Variants in ATG2B observed in about 807,000 individuals in gnomAD.
The protein encoded by ATG2B is autophagy related 2B.
ATG2B carries 121 observed loss-of-function variants against 241.3 expected under a neutral mutation model. The ratio of observed to expected loss-of-function variants is 0.50; its 90% CI spans 0.43 to 0.58. ATG2B has a LOEUF of 0.58. ATG2B is among the 20% of genes least tolerant of loss of function. ATG2B has a pLI of 0.00. For synonymous variants in ATG2B, 858 were observed against 876.6 expected, an observed-to-expected ratio of 0.98 and a Z score of 0.37; for missense variants, 2,306 against 2,491.6, an observed-to-expected ratio of 0.93 and a Z score of 1.59.
chr14:96,329,692 C>T (rs1887681861), intron 11 of ATG2B, 58 bp from the exon 12 acceptor site: 2 of 1,169,852 alleles, frequency 1.7e-6, no homozygotes, highest in Non-Finnish European at 2.5e-6. Flanking sequence ...CAATTATCCA[C>T]CTAGTCTGAC....
chr14:96,305,566 A>G (rs758438856), intron 31 of ATG2B, 23 bp downstream of exon 31: 2 of 1,516,112 alleles, frequency 1.3e-6, no homozygotes, highest in Non-Finnish European at 9.0e-7. Flanking sequence ...CTCCCAAATA[A>G]ACTTATATAG....
intron 11 of ATG2B, among the ~76,000 whole-genome samples, chr14:96,330,966 T>C (rs1015416110): frequency 9.9e-5 from 15 of 152,238 alleles, no homozygotes; most frequent in African/African-American, 3.4e-4. Flanking sequence ...CAGTGGCATA[T>C]GGATCAGTTC....
intron 1 of ATG2B, among the ~76,000 whole-genome samples, chr14:96,351,555 G>C (rs966963296): frequency 3.9e-5 from 6 of 152,070 alleles, no homozygotes; most frequent in Admixed American, 1.3e-4. Context: ...GGCCAACATG[G>C]TGAAACCCTG....
At chr14:96,299,145 A>G (rs1886723625) in intron 34 of ATG2B, among the ~76,000 whole-genome samples, 2 of 152,128 alleles carry the variant, frequency 1.3e-5, no homozygotes, top group South Asian at 4.1e-4. Context: ...GCACTTACTT[A>G]TCTTCCTTAG....
chr14:96,311,248 C>G lies in ATG2B; in HGVS notation c.4030G>C (p.Val1344Leu). 1 of 1,613,934 alleles carries G rather than the reference C, an allele frequency of 6.2e-7. No homozygotes were observed. The highest frequency in any genetic ancestry group is 8.5e-7 in the Non-Finnish European group (1 of 1,179,918). The stretch of plus-strand genomic sequence containing the variant: ...GAGTCTGAGCACGTTCTGATATGGA[C>G]AACATCGCTGGAACAGTGTAACTCA... ...RFELHCSSDV[V>L]HIRTCSDSCA... is the part of the protein sequence containing the mutation. Residue 1344 changes from valine to leucine, a missense_variant, in exon 28 of 42, where the codon GTC becomes CTC. Physicochemically the swap from Val to Leu is conservative, Grantham distance 32. Transcript: ENST00000359933.
At position 96,312,115 on chromosome 14, in the gene ATG2B, T is replaced by C; in HGVS notation, c.3887A>G (p.Asn1296Ser). The change falls in exon 26 of 42, where the codon AAT (asparagine) becomes AGT (serine). Residue 1296 changes from asparagine to serine, a missense_variant. Physicochemically the swap from Asn to Ser is conservative, Grantham distance 46 (BLOSUM62 1). Around this residue, in one of 2 missense-constraint regions of ATG2B, gnomAD observed 1,927 missense variants for 2,011.2 expected, o/e 0.96. Coordinates refer to ENST00000359933, the MANE Select transcript of ATG2B (RefSeq NM_018036.7). The stretch of plus-strand genomic sequence containing the variant: ...TCTACTCAGATTTATAGTGACAGTA[T>C]TGCATTTGTCAGATAGATGTAAAGC... ...EAALHLSDKC[N>S]TVTINLSRDY... The C allele has an allele frequency of 1.2e-6, 2 of 1,604,300 alleles. No individual in the cohort carries two copies. Among genetic ancestry groups the C allele is most frequent in the Non-Finnish European group, 1.7e-6 (2 of 1,177,176 alleles).
In ATG2B at chr14:96,289,545, C is replaced by G. The variant is rs1595290447; in HGVS notation, c.6006+111G>C. ...CATGTTATTAGTGGCAGTTGCCATTCTGCTCCCAGGGATTTCTACAGAATA... is the reference window on the plus strand; with the variant it reads ...CATGTTATTAGTGGCAGTTGCCATTGTGCTCCCAGGGATTTCTACAGAATA... On this transcript the variant is annotated intron_variant, in intron 41 of 41. Transcript: ENST00000359933. The surrounding 1 kb of genome is among the most constrained non-coding windows in gnomAD (Gnocchi z 4.3). 1.5e-6 allele frequency: 2 copies of G among 1,358,722 alleles called. No individual in the cohort carries two copies. The highest frequency in any genetic ancestry group is 2.0e-6 in the Non-Finnish European group (2 of 989,738). The allele number at this position is 1,358,722 out of a possible 1,614,324, so 84.2% of individuals were successfully genotyped here.
chr14:96,294,526 A>G (rs1396156170), intron 36 of ATG2B, among the ~76,000 whole-genome samples: 1 of 152,240 alleles, frequency 6.6e-6, no homozygotes, highest in Non-Finnish European at 1.5e-5. Context: ...CAGGAAAGAC[A>G]CATAACGACT....
chr14:96,342,792 C>T (rs1045151196), intron 5 of ATG2B, among the ~76,000 whole-genome samples: 4 of 150,932 alleles, frequency 2.7e-5, no homozygotes, highest in Non-Finnish European at 5.9e-5. Flanking sequence ...CCCCAAGATA[C>T]CTCATTATGT....
At chr14:96,343,336 G>C in intron 4 of ATG2B, 55 bp from the exon 5 acceptor site, 1 of 1,345,222 alleles carries the variant, frequency 7.4e-7, no homozygotes, top group South Asian at 1.6e-5. Context: ...CAGCGCACCA[G>C]CATGGCACAT....
rs773335819 is a variant in ATG2B, at chr14:96,285,890, C to A, written c.6102G>T (p.Gln2034His). The A allele has an allele frequency of 6.2e-7, 1 of 1,614,128 alleles. No homozygotes were observed. Among genetic ancestry groups the A allele is most frequent in the Non-Finnish European group, 8.5e-7 (1 of 1,180,028 alleles). Residue 2034 changes from glutamine to histidine, a missense_variant, in exon 42 of 42, where the codon CAG (glutamine) becomes CAT (histidine). By Grantham distance (24) the Gln-to-His change is conservative (BLOSUM62 0). Around this residue, in one of 2 missense-constraint regions of ATG2B, gnomAD observed 379 missense variants for 480.4 expected, o/e 0.79. Coordinates refer to ENST00000359933, the MANE Select transcript of ATG2B (RefSeq NM_018036.7). This position sits in a 1 kb window ranked among gnomAD's most constrained non-coding sequence, Gnocchi z 4.2. ...GAGGTTTCACCACTGCCGGAGGAAT[C>A]TGGCGCAGAACCTCGCCCACGGCAC... ...VTGAVGEVLR[Q>H]IPPAVVKPLI...
intron 8 of ATG2B, among the ~76,000 whole-genome samples, chr14:96,333,235 A>T (rs1465186641): frequency 6.6e-6 from 1 of 152,188 alleles, no homozygotes; most frequent in African/African-American, 2.4e-5. Flanking sequence ...ACACCTATAA[A>T]TGTAAAGTAA....
In ATG2B at chr14:96,333,886, A is replaced by G; in HGVS notation, c.1022-13T>C. 2 of 1,606,684 alleles carry G rather than the reference A, an allele frequency of 1.2e-6. No individual in the cohort carries two copies. Among genetic ancestry groups the G allele is most frequent in the Non-Finnish European group, 1.7e-6 (2 of 1,174,414 alleles). On this transcript the variant is annotated splice_polypyrimidine_tract_variant and intron_variant, in intron 7 of 41. Transcript: ENST00000359933. ...TTGCTAGAATTTTCTATAAGCATAC[A>G]AAAGGAAACCAAAACAGTAATTAAA...
At chr14:96,297,816 G>A (rs889844966) in intron 34 of ATG2B, among the ~76,000 whole-genome samples, 1 of 151,582 alleles carries the variant, frequency 6.6e-6, no homozygotes, top group African/African-American at 2.4e-5. Flanking sequence ...TTACAGATGG[G>A]GGTCTCGCTC....
At chr14:96,294,648 T>A (rs2096929270) in intron 36 of ATG2B, among the ~76,000 whole-genome samples, 1 of 152,140 alleles carries the variant, frequency 6.6e-6, no homozygotes, top group Non-Finnish European at 1.5e-5. Context: ...GATATCCTGC[T>A]GGGCTGGTAC....
intron 14 of ATG2B, among the ~76,000 whole-genome samples, chr14:96,326,334 A>G (rs928547417): frequency 6.6e-6 from 1 of 152,212 alleles, no homozygotes; most frequent in African/African-American, 2.4e-5. Flanking sequence ...ATGATTTTAA[A>G]TACTCAATGT....
At position 96,323,924 on chromosome 14, in the gene ATG2B, T is replaced by C. The variant is rs1383053246; in HGVS notation, c.2512A>G (p.Thr838Ala). Residue 838 changes from threonine to alanine, a missense_variant, in exon 16 of 42, where the codon ACA (threonine) becomes GCA (alanine). Transcript: ENST00000359933. Reference protein sequence around the residue: ...HVSSGVDGDTTSSDDFDWPRI... With the variant: ...HVSSGVDGDTASSDDFDWPRI... ...GGCCAGTCAAAGTCATCTGACGATG[T>C]TGTATCTCCATCTACTCCACTAGAC... 1.2e-6 allele frequency: 2 copies of C among 1,612,126 alleles called. No homozygotes were observed. The highest frequency in any genetic ancestry group is 8.5e-7 in the Non-Finnish European group (1 of 1,179,152).
At chr14:96,321,801 A>G (rs1200737636) in intron 18 of ATG2B, among the ~76,000 whole-genome samples, 1 of 152,118 alleles carries the variant, frequency 6.6e-6, no homozygotes, top group Non-Finnish European at 1.5e-5. Flanking sequence ...GCATCTCTTA[A>G]CTCTTCACGT....
rs570059342 is a variant in ATG2B at position 96,305,940 on chromosome 14, G to T, written c.4507-125C>A. 23 of 717,882 alleles carry T rather than the reference G, an allele frequency of 3.2e-5. No individual in the cohort carries two copies. The African/African-American group carries it at 4.1e-4, about 13-fold the overall frequency. The allele number at this position is 717,882 out of a possible 1,614,324, so 44.5% of individuals were successfully genotyped here. On this transcript the variant is annotated intron_variant, in intron 30 of 41. Transcript: ENST00000359933. ...TAATAATTCCAGTATATAAAATAAG[G>T]TGATGGTTACCGACATTAGTCACCA...
Sources: gnomAD v4.1 joint callset for allele counts (sites outside exome capture counted in the v4.1 genomes callset) on GRCh38, gnomAD v4.1.1 for gene constraint, gnomAD v4.1.1 regional missense constraint, Gnocchi (gnomAD v3.1) non-coding constraint, MANE v1.5 for transcripts, NCBI Gene and HGNC (gene_info 2026-07-23, HGNC 2026-07-21) for gene names.